Variants in MIS18BP1 observed in about 807,000 individuals in gnomAD.
MIS18BP1 encodes mis18-binding protein 1.
MIS18BP1 carries 72 observed loss-of-function variants against 116.1 expected under a neutral mutation model. The observed-to-expected ratio is 0.62, with a 90% CI of 0.51 to 0.75. The LOEUF (loss-of-function observed/expected upper bound fraction) is 0.75. Among genes scored for constraint, MIS18BP1 ranks in the 30% least tolerant of loss-of-function variants. The pLI is 0.00. For synonymous variants in MIS18BP1, 386 were observed against 427.0 expected (o/e 0.90, Z 1.18); for missense variants, 1,363 against 1,303.2 (o/e 1.05, Z -0.71).
chr14:45,236,026 C>T (rs1891421201), intron 5 of MIS18BP1, 82 bp from the exon 6 acceptor site: 3 of 1,225,360 alleles, frequency 2.4e-6, no homozygotes, highest in East Asian at 2.5e-5. Context: ...ACTTTAGCTA[C>T]AGCAACACTA....
intron 4 of MIS18BP1, among the ~76,000 whole-genome samples, chr14:45,240,945 A>G (rs1026967994): frequency 6.6e-6 from 1 of 152,098 alleles, no homozygotes; most frequent in African/African-American, 2.4e-5. Flanking sequence ...TAAAGTTTAA[A>G]TATTTTCCAA....
chr14:45,206,152 A>G lies in MIS18BP1; in HGVS notation c.3171T>C (p.Tyr1057=), dbSNP rs200029951. 1,369 of 1,605,166 alleles carry G rather than the reference A, an allele frequency of 8.5e-4. 10 individuals carry two copies. The South Asian group carries it at 9.2e-3, about 11-fold the overall frequency. The change falls in exon 15 of 17, where the codon TAT becomes TAC. Residue 1057 remains tyrosine, a synonymous_variant. Coordinates refer to ENST00000310806, the MANE Select transcript of MIS18BP1 (RefSeq NM_018353.5). The part of the protein sequence containing the change: ...GSINRNDCDK[Y]VFRMQKYHKS... ...TATGATATTTTTGCATACGAAAAACATATTTATCACAGTCATTCCTGTTTG... is the reference window on the plus strand; with the variant it reads ...TATGATATTTTTGCATACGAAAAACGTATTTATCACAGTCATTCCTGTTTG...
intron 14 of MIS18BP1, among the ~76,000 whole-genome samples, chr14:45,207,128 T>C (rs751650535): frequency 4.6e-5 from 7 of 152,184 alleles, no homozygotes; most frequent in Non-Finnish European, 8.8e-5. Context: ...AATTGTTGGT[T>C]GTTTTTAATT....
chr14:45,215,730 A>C (rs1381426591), intron 13 of MIS18BP1, among the ~76,000 whole-genome samples: 1 of 116,488 alleles, frequency 8.6e-6, no homozygotes, highest in Non-Finnish European at 1.7e-5. Flanking sequence ...TTTGAGATGG[A>C]GTCTCACACT....
In MIS18BP1 at chr14:45,227,657, C is replaced by T. The variant is rs1403565912; in HGVS notation, c.1746+6G>A. 3.7e-6 allele frequency: 6 copies of T among 1,609,778 alleles called. No homozygotes were observed. Among genetic ancestry groups the T allele is most frequent in the Non-Finnish European group, 5.1e-6 (6 of 1,176,532 alleles). On this transcript the variant is annotated splice_donor_region_variant and intron_variant, in intron 9 of 16. Transcript: ENST00000310806. ...TTGAACTATACAGTGTACAATAAAG[C>T]CTTACCTGATTAGATAAGTCATCTC...
chr14:45,205,348 A>C (rs1890485084), intron 15 of MIS18BP1, among the ~76,000 whole-genome samples: 1 of 152,180 alleles, frequency 6.6e-6, no homozygotes, highest in Non-Finnish European at 1.5e-5. Flanking sequence ...AGTGTCATAA[A>C]GCAAGGGAAT....
At chr14:45,209,318 AT>A (rs1278052010) in intron 14 of MIS18BP1, among the ~76,000 whole-genome samples, 1 of 152,074 alleles carries the variant, frequency 6.6e-6, no homozygotes, top group Non-Finnish European at 1.5e-5. Context: ...GCAATAAAAA[AT>A]ATCTTCATTA....
In MIS18BP1 at chr14:45,226,732, A is replaced by G; in HGVS notation, c.1840+11T>C. The stretch of plus-strand genomic sequence containing the variant: ...CTGCTTATGATTAAAAAACCATTAA[A>G]GATATATTACCTTGCTTCTGACTTT... On this transcript the variant is annotated intron_variant, in intron 10 of 16. Transcript: ENST00000310806. 1 of 1,358,014 alleles carries G rather than the reference A, an allele frequency of 7.4e-7. No individual in the cohort carries two copies. Among genetic ancestry groups the G allele is most frequent in the Non-Finnish European group, 9.7e-7 (1 of 1,032,020 alleles). The allele number at this position is 1,358,014 out of a possible 1,614,324, so 84.1% of individuals were successfully genotyped here. A position where few individuals can be genotyped will look rare whatever the true frequency, so the allele number is the denominator to read the frequency against.
intron 8 of MIS18BP1, among the ~76,000 whole-genome samples, chr14:45,229,795 G>A (rs369833286): frequency 1.3e-5 from 2 of 152,168 alleles, no homozygotes; most frequent in South Asian, 2.1e-4. Flanking sequence ...TAGAGAGCAG[G>A]TGCCGAAGCC....
rs1411986542 is a variant in MIS18BP1 at position 45,242,779 on chromosome 14, G to C, written c.640C>G (p.Leu214Val). Residue 214 changes from leucine to valine, a missense_variant, in exon 3 of 17, where the codon CTG becomes GTG. Transcript: ENST00000310806. ...IQCQQEKKAP[L>V]HNLTYELPTL... ...AGTTTACCGTAAGTTAAATTGTGCAGTGGTGCTTTCTTTTCCTGCTGGCAC... is the reference window on the plus strand; with the variant it reads ...AGTTTACCGTAAGTTAAATTGTGCACTGGTGCTTTCTTTTCCTGCTGGCAC... 1.2e-6 allele frequency: 2 copies of C among 1,610,188 alleles called. No individual in the cohort carries two copies. Among genetic ancestry groups the C allele is most frequent in the Admixed American group, 3.4e-5 (2 of 59,182 alleles).
Position 45,224,288 on chromosome 14 carries a change from A to G in MIS18BP1, c.2299T>C (p.Ser767Pro). The change falls in exon 11 of 17, where the codon TCC becomes CCC. Residue 767 changes from serine to proline, a missense_variant. Coordinates refer to ENST00000310806, the MANE Select transcript of MIS18BP1 (RefSeq NM_018353.5). ...TCTTCACTTGACAAATCTGGTGAGG[A>G]CTGATGCTTATAAAATGACATAGCT... ...QVAMSFYKHQ[S>P]SPDLSSEESE... 1.2e-6 allele frequency: 2 copies of G among 1,613,780 alleles called. No homozygotes were observed. Among genetic ancestry groups the G allele is most frequent in the Non-Finnish European group, 1.7e-6 (2 of 1,179,910 alleles).
In MIS18BP1 at chr14:45,235,602, A is replaced by AAC. The variant is rs3036378; in HGVS notation, c.1348+211_1348+212insGT. Among the ~76,000 whole-genome samples, 411 of 151,908 alleles carry AAC rather than the reference A, an allele frequency of 2.7e-3. 5 individuals are homozygous for AAC. Among genetic ancestry groups the AAC allele is most frequent in the Admixed American group, 0.02 (299 of 15,246 alleles). On this transcript the variant is annotated intron_variant, in intron 6 of 16. Coordinates refer to ENST00000310806, the MANE Select transcript of MIS18BP1 (RefSeq NM_018353.5). ...AAGACTCCATTTCCAAAAAAAAAAAAAAAAACAAAAACACATAACTTATTA... is the reference window on the plus strand; with the variant it reads ...AAGACTCCATTTCCAAAAAAAAAAAAACAAAAACAAAAACACATAACTTATTA...
intron 4 of MIS18BP1, among the ~76,000 whole-genome samples, chr14:45,241,261 G>A (rs1891567523): frequency 6.6e-6 from 1 of 152,210 alleles, no homozygotes; most frequent in South Asian, 2.1e-4. Context: ...CTTGAGGTCA[G>A]GAGTCAGAGA....
intron 13 of MIS18BP1, among the ~76,000 whole-genome samples, chr14:45,215,839 G>A (rs1890802467): frequency 6.6e-6 from 1 of 151,934 alleles, no homozygotes; most frequent in African/African-American, 2.4e-5. Context: ...CGAGTAGCTG[G>A]GACTACAGGC....
rs75678622 is a variant in MIS18BP1, at chr14:45,222,728, A to T, written c.2669+1190T>A. Among the ~76,000 whole-genome samples the T allele has an allele frequency of 2.6e-4, 40 of 152,338 alleles. No homozygotes were observed. The East Asian group carries it at 7.1e-3, about 27-fold the overall frequency. ...CAACTCCTGGGTGGCATAGAAGTTC[A>T]TAAACAACTTTATGGGGTTGCTTTT... On this transcript the variant is annotated intron_variant, in intron 11 of 16. Transcript: ENST00000310806.
At chr14:45,205,645 TTAAG>T (rs942181480) in intron 15 of MIS18BP1, among the ~76,000 whole-genome samples, 3 of 152,124 alleles carry the variant, frequency 2.0e-5, no homozygotes, top group Non-Finnish European at 2.9e-5. Flanking sequence ...AAAAATAAAA[TTAAG>T]TAGCTAAATC....
chr14:45,216,886 A>C, intron 13 of MIS18BP1, 133 bp downstream of exon 13: 1 of 923,786 alleles, frequency 1.1e-6, no homozygotes, highest in South Asian at 1.8e-5. Context: ...ATTGTTTGCC[A>C]TAAGACTATG....
At chr14:45,210,293 C>G in intron 14 of MIS18BP1, 87 bp downstream of exon 14, 3 of 1,325,880 alleles carry the variant, frequency 2.3e-6, no homozygotes, top group Non-Finnish European at 2.1e-6. Context: ...CTTCCCATTA[C>G]TGGCATCTAT....
chr14:45,222,890 C>T (rs1891011980), intron 11 of MIS18BP1, among the ~76,000 whole-genome samples: 1 of 152,142 alleles, frequency 6.6e-6, no homozygotes, highest in South Asian at 2.1e-4. Flanking sequence ...TACCAAGCAA[C>T]AGACAACAGA....
Sources: gnomAD v4.1 joint callset for allele counts (sites outside exome capture counted in the v4.1 genomes callset) on GRCh38, gnomAD v4.1.1 for gene constraint, MANE v1.5 for transcripts, NCBI Gene and HGNC (gene_info 2026-07-23, HGNC 2026-07-21) for gene names.